The following ACTN1 variants were observed in gnomAD, a reference collection of about 807,000 sequenced individuals.
ACTN1 encodes alpha-actinin-1.
A neutral mutation model predicts 119.6 loss-of-function variants in ACTN1; 30 were observed. The ratio of observed to expected loss-of-function variants is 0.25; its 90% CI spans 0.19 to 0.34. The LOEUF (loss-of-function observed/expected upper bound fraction) is 0.34. Among genes scored for constraint, ACTN1 ranks in the 10% least tolerant of loss-of-function variants. ACTN1 has a pLI of 1.00. For missense variants in ACTN1, 764 were observed against 1,223.4 expected (o/e 0.62, Z 5.60); for synonymous variants, 429 against 472.6 (o/e 0.91, Z 1.20).
chr14:68,915,402 G>A (rs1443049963), intron 3 of ACTN1, among the ~76,000 whole-genome samples: 2 of 152,076 alleles, frequency 1.3e-5, no homozygotes, highest in African/African-American at 2.4e-5. Context: ...CACCTCCCTT[G>A]ACCACCCAAG....
At chr14:68,938,746 A>C (rs909908377) in intron 1 of ACTN1, among the ~76,000 whole-genome samples, 1 of 152,228 alleles carries the variant, frequency 6.6e-6, no homozygotes, top group Non-Finnish European at 1.5e-5. Context: ...TGGACACATC[A>C]GGAGCCCAGT....
chr14:68,913,317 C>T (rs1461423630), intron 3 of ACTN1, among the ~76,000 whole-genome samples: 2 of 152,340 alleles, frequency 1.3e-5, no homozygotes, highest in Non-Finnish European at 2.9e-5. Context: ...ACCCACTCAT[C>T]ACCTGCTTCC....
At chr14:68,955,766 TTTAAAGCAGCCTTGCAGA>T (rs1331222120) in intron 1 of ACTN1, among the ~76,000 whole-genome samples, 1 of 152,210 alleles carries the variant, frequency 6.6e-6, no homozygotes, top group African/African-American at 2.4e-5. Context: ...GCAGTGTTGC[TTTAAAGCAGCCTTGCAGA>T]GAGCCAACCA....
chr14:68,967,754 C>T (rs570662599), intron 1 of ACTN1, among the ~76,000 whole-genome samples: 68 of 152,284 alleles, frequency 4.5e-4, no homozygotes, highest in African/African-American at 1.5e-3. Context: ...CAACTGGGAC[C>T]CCACTTGTTG....
intron 1 of ACTN1, chr14:68,978,216 C>A (rs1317316748): frequency 4.4e-6 from 2 of 456,142 alleles, no homozygotes; most frequent in African/African-American, 2.0e-5. Flanking sequence ...GAGCTGCCCA[C>A]CTTTCCCGGG....
chr14:68,950,815 C>A (rs1322496587), intron 1 of ACTN1, among the ~76,000 whole-genome samples: 4 of 152,134 alleles, frequency 2.6e-5, no homozygotes, highest in African/African-American at 7.2e-5. Flanking sequence ...GCTGCCTTGG[C>A]CTCCCAAAGT....
chr14:68,978,978 G>A lies in ACTN1; in HGVS notation c.79C>T (p.Pro27Ser). The A allele has an allele frequency of 6.2e-7, 1 of 1,600,360 alleles. No individual in the cohort carries two copies. The highest frequency in any genetic ancestry group is 8.5e-7 in the Non-Finnish European group (1 of 1,173,154). The change falls in exon 1 of 22, where the codon CCG becomes TCG. Residue 27 changes from proline to serine, a missense_variant. By Grantham distance (74) the Pro-to-Ser change is moderately conservative. Transcript: ENST00000394419. ...EDWDRDLLLD[P>S]AWEKQQRKTF... is the part of the protein sequence containing the mutation. ...TTTCTCTGCTGCTTCTCCCAGGCCG[G>A]GTCCAGGAGCAGGTCCCGGTCCCAG... is the stretch of plus-strand genomic sequence containing the variant.
rs553485149 is a variant in ACTN1 at position 68,879,369 on chromosome 14, G to A, written c.2281-300C>T. Among the ~76,000 whole-genome samples, 41 of 152,100 alleles carry A rather than the reference G, an allele frequency of 2.7e-4. No homozygotes were observed. Among genetic ancestry groups the A allele is most frequent in the African/African-American group, 3.9e-4 (16 of 41,502 alleles). ...CCCTCAGAAGTGACCCAGCCCCCCC[G>A]CTTCCCCAGGGGCTTCCCCCCAGGT... On this transcript the variant is annotated intron_variant, in intron 18 of 21. Transcript: ENST00000394419. This position sits in a 1 kb window ranked among gnomAD's most constrained non-coding sequence, Gnocchi z 4.9.
At chr14:68,974,426 A>T (rs1298951561) in intron 1 of ACTN1, among the ~76,000 whole-genome samples, 1 of 152,160 alleles carries the variant, frequency 6.6e-6, no homozygotes, top group African/African-American at 2.4e-5. Flanking sequence ...AAATTTAAAA[A>T]TTTTAAACTA....
intron 1 of ACTN1, among the ~76,000 whole-genome samples, chr14:68,968,142 G>A (rs1221373264): frequency 6.6e-6 from 1 of 152,188 alleles, no homozygotes; most frequent in African/African-American, 2.4e-5. Flanking sequence ...GACACCAGAT[G>A]CCACACACAC....
intron 1 of ACTN1, chr14:68,936,825 T>G (rs2035544792): frequency 1.7e-6 from 1 of 599,328 alleles, no homozygotes; most frequent in Admixed American, 1.9e-5. Context: ...ATCCCAGAAC[T>G]GCTTCTGATG....
intron 1 of ACTN1, chr14:68,936,758 A>G (rs2035540372): frequency 1.6e-6 from 1 of 619,038 alleles, no homozygotes; most frequent in Non-Finnish European, 3.2e-6. Flanking sequence ...TGCTGAAGAA[A>G]ACTGAAGACC....
At chr14:68,923,598 T>C (rs2034765221) in intron 2 of ACTN1, among the ~76,000 whole-genome samples, 1 of 151,742 alleles carries the variant, frequency 6.6e-6, no homozygotes, top group African/African-American at 2.4e-5. Flanking sequence ...TCACCTGAGG[T>C]CAGGAGTTCA....
chr14:68,893,875 T>A, intron 8 of ACTN1, 128 bp from the exon 9 acceptor site: 1 of 813,340 alleles, frequency 1.2e-6, no homozygotes. Context: ...TTAAGAAGGC[T>A]GTGAGGTCAC....
At chr14:68,908,207 C>T (rs1291417734) in intron 6 of ACTN1, among the ~76,000 whole-genome samples, 3 of 151,924 alleles carry the variant, frequency 2.0e-5, no homozygotes, top group Admixed American at 6.6e-5. Context: ...GGGCGGGGCA[C>T]GGTGCAGGGA....
At chr14:68,918,656 G>A (rs1276792557) in intron 3 of ACTN1, among the ~76,000 whole-genome samples, 1 of 152,084 alleles carries the variant, frequency 6.6e-6, no homozygotes, top group African/African-American at 2.4e-5. Flanking sequence ...AACACTTTGG[G>A]AGGCCGAGGC....
chr14:68,877,773 T>A (rs2031064053), intron 20 of ACTN1: 1 of 157,100 alleles, frequency 6.4e-6, no homozygotes, highest in Admixed American at 6.2e-5. Flanking sequence ...GCCAGATACA[T>A]GCACACACTT....
chr14:68,903,518 C>T (rs574385395), intron 7 of ACTN1, among the ~76,000 whole-genome samples: 3 of 148,844 alleles, frequency 2.0e-5, no homozygotes, highest in Admixed American at 6.7e-5. Flanking sequence ...GCCTGGGTGA[C>T]ACAGGGAGAC....
At chr14:68,957,157 A>G (rs1196209690) in intron 1 of ACTN1, among the ~76,000 whole-genome samples, 1 of 152,226 alleles carries the variant, frequency 6.6e-6, no homozygotes, top group Non-Finnish European at 1.5e-5. Flanking sequence ...TATGTGTCAG[A>G]TGGGCTGGCC....
Sources: allele counts gnomAD v4.1 joint callset (sites outside exome capture counted in the v4.1 genomes callset), GRCh38; gene constraint gnomAD v4.1.1; non-coding constraint Gnocchi (gnomAD v3.1); transcripts MANE v1.5; gene names NCBI Gene and HGNC (gene_info 2026-07-23, HGNC 2026-07-21).